The following SH3D19 variants were observed in gnomAD, a reference collection of about 807,000 sequenced individuals.
SH3D19 encodes SH3 domain-containing protein 19.
In SH3D19, 58 loss-of-function variants were observed where a neutral mutation model predicts 112.1. That is an observed-to-expected ratio of 0.52 (90% CI 0.42 to 0.64). The LOEUF (loss-of-function observed/expected upper bound fraction) is 0.64. SH3D19 is among the 30% of genes least tolerant of loss of function. The probability of loss-of-function intolerance (pLI) is 0.00; values close to 1 mark genes in which losing one functional copy is unlikely to be tolerated. For missense variants in SH3D19, 1,090 were observed against 1,263.4 expected (o/e 0.86, Z 2.08); for synonymous variants, 391 against 448.5 (o/e 0.87, Z 1.62).
At chr4:151,269,692 A>G (rs980502442) in intron 1 of SH3D19, among the ~76,000 whole-genome samples, 14 of 152,142 alleles carry the variant, frequency 9.2e-5, no homozygotes, top group African/African-American at 3.4e-4. Flanking sequence ...ATTTTTAAGA[A>G]CTTTTGACTC....
intron 19 of SH3D19, among the ~76,000 whole-genome samples, chr4:151,122,803 C>G (rs191446167): frequency 7.6e-4 from 115 of 151,918 alleles, no homozygotes; most frequent in African/African-American, 2.5e-3. Context: ...GTAAACACCA[C>G]CAAAGTCCTA....
chr4:151,241,754 T>C (rs1260412663), intron 1 of SH3D19, among the ~76,000 whole-genome samples: 1 of 151,808 alleles, frequency 6.6e-6, no homozygotes, highest in African/African-American at 2.4e-5. Context: ...AATAAAGCTG[T>C]TACCAAAAAA....
At chr4:151,225,651 C>T (rs1448503144) in intron 2 of SH3D19, among the ~76,000 whole-genome samples, 1 of 152,066 alleles carries the variant, frequency 6.6e-6, no homozygotes, top group Non-Finnish European at 1.5e-5. Context: ...TTTTTTCATG[C>T]TTTGTATTTT....
chr4:151,269,523 T>C (rs1450567248), intron 1 of SH3D19, among the ~76,000 whole-genome samples: 1 of 152,218 alleles, frequency 6.6e-6, no homozygotes, highest in Non-Finnish European at 1.5e-5. Flanking sequence ...TGCCCATGCC[T>C]ATGTCCTGAA....
chr4:151,214,890 C>T (rs1766778512), intron 2 of SH3D19, among the ~76,000 whole-genome samples: 1 of 146,714 alleles, frequency 6.8e-6, no homozygotes. Context: ...GGCTGCCGGG[C>T]GGAGGGGCTC....
chr4:151,207,093 G>T (rs527396848), intron 2 of SH3D19, among the ~76,000 whole-genome samples: 2 of 152,294 alleles, frequency 1.3e-5, no homozygotes, highest in South Asian at 4.2e-4. Context: ...GCCAAATGGG[G>T]TAGGACCACG....
In SH3D19 at chr4:151,237,788, C is replaced by T. The variant is rs1161108570; in HGVS notation, c.113-11702G>A. ...GTTCATAATATTGTGGGCAGAATTACCTAAAGGGTAATTATCCTTTGTCGA... is the reference window on the plus strand; with the variant it reads ...GTTCATAATATTGTGGGCAGAATTATCTAAAGGGTAATTATCCTTTGTCGA... On this transcript the variant is annotated intron_variant, in intron 1 of 19. Coordinates refer to ENST00000604030, the MANE Select transcript of SH3D19 (RefSeq NM_001378122.1). 3.3e-5 allele frequency among the ~76,000 whole-genome samples: 5 copies of T among 152,098 alleles called. No homozygotes were observed. The East Asian group carries it at 9.7e-4, about 29-fold the overall frequency.
chr4:151,170,243 C>A (rs1013959485), intron 7 of SH3D19, among the ~76,000 whole-genome samples: 11 of 151,924 alleles, frequency 7.2e-5, no homozygotes, highest in African/African-American at 2.7e-4. Context: ...TGACTTGTTA[C>A]AACGAATATA....
chr4:151,320,727 T>C (rs1730450826), intron 1 of SH3D19, among the ~76,000 whole-genome samples: 1 of 150,904 alleles, frequency 6.6e-6, no homozygotes, highest in African/African-American at 2.5e-5. Flanking sequence ...TATATATTTA[T>C]ACAATGAAAA....
intron 14 of SH3D19, among the ~76,000 whole-genome samples, chr4:151,137,106 T>A (rs1432025794): frequency 1.3e-5 from 2 of 152,226 alleles, no homozygotes; most frequent in Non-Finnish European, 2.9e-5. Flanking sequence ...CATCTGGGCT[T>A]ACACACAGCT....
At chr4:151,205,453 C>A (rs188729166) in intron 2 of SH3D19, among the ~76,000 whole-genome samples, 1 of 152,118 alleles carries the variant, frequency 6.6e-6, no homozygotes, top group Non-Finnish European at 1.5e-5. Context: ...TCAGACAGAG[C>A]GTGAACTGTG....
chr4:151,236,216 C>A (rs375334247), intron 1 of SH3D19, among the ~76,000 whole-genome samples: 1 of 152,266 alleles, frequency 6.6e-6, no homozygotes, highest in Non-Finnish European at 1.5e-5. Flanking sequence ...AGGCCAGAGC[C>A]GGCTCCCTCA....
At chr4:151,145,690 GGTTC>G (rs1753807374) in intron 11 of SH3D19, among the ~76,000 whole-genome samples, 3 of 152,172 alleles carry the variant, frequency 2.0e-5, no homozygotes, top group Non-Finnish European at 4.4e-5. Flanking sequence ...TGTGAAATCT[GGTTC>G]CCCTTGAGAA....
intron 2 of SH3D19, among the ~76,000 whole-genome samples, chr4:151,208,169 T>G (rs1684738479): frequency 6.6e-6 from 1 of 152,220 alleles, no homozygotes; most frequent in South Asian, 2.1e-4. Context: ...GAAATCTGTG[T>G]GGGCCTGATT....
chr4:151,254,161 C>G (rs895578507), intron 1 of SH3D19, among the ~76,000 whole-genome samples: 1 of 152,158 alleles, frequency 6.6e-6, no homozygotes, highest in Non-Finnish European at 1.5e-5. Flanking sequence ...ATGTAAAACA[C>G]TATCAGGCTT....
In SH3D19 at chr4:151,214,624, C is replaced by T. The variant is rs868028000; in HGVS notation, c.152+11423G>A. Among the ~76,000 whole-genome samples the T allele has an allele frequency of 6.9e-3, 393 of 57,174 alleles. 19 individuals carry two copies. The highest frequency in any genetic ancestry group is 0.015 in the African/African-American group (361 of 24,406). 37.5% of individuals were successfully genotyped at this position (57,174 alleles called of 152,430 possible). A position where few individuals can be genotyped will look rare whatever the true frequency, so the allele number is the denominator to read the frequency against. On this transcript the variant is annotated intron_variant, in intron 2 of 19. Transcript: ENST00000604030. ...CTCCCTCCCGGACGGGGCGGCTGGC[C>T]GGGCGGGGGGCTGACCCCCCCCACC...
In SH3D19 at chr4:151,150,628, G is replaced by A. The variant is rs534546433; in HGVS notation, c.1756-1067C>T. On this transcript the variant is annotated intron_variant, in intron 9 of 19. Transcript: ENST00000604030. ...TGTGCTGGTACCACTCTAGCAAAAG[G>A]GCTGGATGGGCTAAAAAAGAGTTTC... is the stretch of plus-strand genomic sequence containing the variant. Among the ~76,000 whole-genome samples, 17 of 152,078 alleles carry A rather than the reference G, an allele frequency of 1.1e-4. No individual in the cohort carries two copies. The East Asian group carries it at 2.1e-3, about 19-fold the overall frequency.
chr4:151,243,873 T>A (rs1030854143), intron 1 of SH3D19, among the ~76,000 whole-genome samples: 2 of 152,178 alleles, frequency 1.3e-5, no homozygotes, highest in Admixed American at 1.3e-4. Context: ...AGACAAACCA[T>A]CAACAGAGAT....
intron 1 of SH3D19, among the ~76,000 whole-genome samples, chr4:151,305,467 A>G (rs1299028948): frequency 6.6e-6 from 1 of 152,234 alleles, no homozygotes; most frequent in Non-Finnish European, 1.5e-5. Flanking sequence ...CTCTTTGAAC[A>G]TATTTAAACA....
Sources: allele counts gnomAD v4.1 joint callset (sites outside exome capture counted in the v4.1 genomes callset), GRCh38; gene constraint gnomAD v4.1.1; transcripts MANE v1.5; gene names NCBI Gene and HGNC (gene_info 2026-07-23, HGNC 2026-07-21).